Variants in M1AP observed in about 807,000 individuals in gnomAD.
The protein encoded by M1AP is meiosis 1 associated protein, also known as meiosis 1 arrest protein.
M1AP carries 39 observed loss-of-function variants against 51.2 expected under a neutral mutation model. The observed-to-expected ratio is 0.76, with a 90% confidence interval of 0.59 to 1.00. The LOEUF is 1.00. Among genes scored for constraint, M1AP ranks in the 50% least tolerant of loss-of-function variants. The pLI is 0.00. For synonymous variants in M1AP, 251 were observed against 249.2 expected, an observed-to-expected ratio of 1.01 and a Z score of -0.07; for missense variants, 545 against 641.2, an observed-to-expected ratio of 0.85 and a Z score of 1.62.
intron 2 of M1AP, among the ~76,000 whole-genome samples, chr2:74,626,831 A>G (rs1025234309): frequency 1.3e-5 from 2 of 152,174 alleles, no homozygotes; most frequent in Non-Finnish European, 2.9e-5. Context: ...TCCCACATAT[A>G]TTTTTTAAAA....
chr2:74,562,120 C>T (rs909775752), intron 8 of M1AP, 97 bp downstream of exon 8: 31 of 1,504,028 alleles, frequency 2.1e-5, no homozygotes, highest in African/African-American at 8.4e-5. Flanking sequence ...CCTTCAGCTC[C>T]GCATCCATTC....
intron 2 of M1AP, among the ~76,000 whole-genome samples, chr2:74,623,818 T>C (rs986195966): frequency 1.4e-4 from 21 of 152,126 alleles, no homozygotes; most frequent in African/African-American, 4.8e-4. Flanking sequence ...ACTACAGGCA[T>C]GAACCACCAC....
rs780768424 is a variant in M1AP at position 74,640,180 on chromosome 2, CG to C, written c.95del (p.Pro32ArgfsTer20). The part of the protein sequence containing the change: ...PRLLIVHIAL[P>X]SWADICTNLC... ...GGTTGGTGCAGATGTCAGCCCAGGA[CG>C]GTAGAGCAATGTGCACAATGAGAAG... On this transcript the variant is annotated frameshift_variant, in exon 2 of 11. Coordinates refer to ENST00000421985, the MANE Select transcript of M1AP (RefSeq NM_001321739.2). LOFTEE classifies it high-confidence loss of function. 5 of 1,614,094 alleles carry C rather than the reference CG, an allele frequency of 3.1e-6. No homozygotes were observed. Among genetic ancestry groups the C allele is most frequent in the Non-Finnish European group, 4.2e-6 (5 of 1,180,010 alleles).
intron 1 of M1AP, chr2:74,647,530 C>G (rs1358726161): frequency 1.0e-5 from 4 of 387,118 alleles, no homozygotes; most frequent in Non-Finnish European, 1.4e-5. Flanking sequence ...AATCTCATTT[C>G]CCCCTCCTGA....
intron 4 of M1AP, among the ~76,000 whole-genome samples, chr2:74,604,685 A>G (rs1280667579): frequency 3.9e-5 from 6 of 152,136 alleles, no homozygotes; most frequent in Non-Finnish European, 7.3e-5. Flanking sequence ...GCTCTAAGAC[A>G]CAGTTTGAGT....
At chr2:74,600,384 C>T (rs937163789) in intron 4 of M1AP, among the ~76,000 whole-genome samples, 1 of 152,176 alleles carries the variant, frequency 6.6e-6, no homozygotes, top group East Asian at 1.9e-4. Context: ...ATCTTTTCCT[C>T]AAGGCTCAGA....
At chr2:74,626,737 A>G (rs1394365610) in intron 2 of M1AP, among the ~76,000 whole-genome samples, 4 of 152,176 alleles carry the variant, frequency 2.6e-5, no homozygotes, top group Non-Finnish European at 4.4e-5. Context: ...TATTTTTCCC[A>G]TATGGCTATC....
chr2:74,607,560 G>A (rs1397256381), intron 3 of M1AP, among the ~76,000 whole-genome samples: 1 of 152,088 alleles, frequency 6.6e-6, no homozygotes, highest in African/African-American at 2.4e-5. Context: ...TGCAACCTCC[G>A]CCTTCCGGGG....
At chr2:74,603,658 G>C (rs1193474832) in intron 4 of M1AP, among the ~76,000 whole-genome samples, 1 of 152,168 alleles carries the variant, frequency 6.6e-6, no homozygotes, top group East Asian at 1.9e-4. Context: ...GAGATAGAAA[G>C]GACAGTCAGT....
chr2:74,559,097 G>C (rs1326567943), intron 10 of M1AP, among the ~76,000 whole-genome samples: 1 of 152,122 alleles, frequency 6.6e-6, no homozygotes, highest in Non-Finnish European at 1.5e-5. Context: ...CAGCTAACTT[G>C]TGGTAGCCTC....
chr2:74,584,780 G>C lies in M1AP; in HGVS notation c.596-2933C>G, dbSNP rs570511131. ...GGCTTATTGTCCAAGGCAAGATTTG[G>C]CTGTAGCCTTATTGATGTTATTGCC... On this transcript the variant is annotated intron_variant, in intron 4 of 10. Coordinates refer to ENST00000421985, the MANE Select transcript of M1AP (RefSeq NM_001321739.2). Among the ~76,000 whole-genome samples, 5 of 146,852 alleles carry C rather than the reference G, an allele frequency of 3.4e-5. No individual in the cohort carries two copies. In the East Asian group the frequency reaches 7.9e-4, roughly 23 times the overall value.
At chr2:74,575,314 A>G (rs1678991287) in intron 7 of M1AP, 124 bp downstream of exon 7, 1 of 1,497,146 alleles carries the variant, frequency 6.7e-7, no homozygotes, top group Non-Finnish European at 8.9e-7. Context: ...GAGTATTTCC[A>G]GTTTTTTCTG....
At chr2:74,596,977 G>A (rs1197658670) in intron 4 of M1AP, among the ~76,000 whole-genome samples, 1 of 152,184 alleles carries the variant, frequency 6.6e-6, no homozygotes, top group Non-Finnish European at 1.5e-5. Context: ...GTGTAAAGGG[G>A]AAAGAAAAAT....
chr2:74,567,305 C>A (rs1422552959), intron 7 of M1AP, among the ~76,000 whole-genome samples: 1 of 152,164 alleles, frequency 6.6e-6, no homozygotes, highest in Non-Finnish European at 1.5e-5. Context: ...ACAAACCATC[C>A]ACTTTTGCTA....
At chr2:74,633,762 A>G (rs958784259) in intron 2 of M1AP, among the ~76,000 whole-genome samples, 1 of 152,152 alleles carries the variant, frequency 6.6e-6, no homozygotes, top group African/African-American at 2.4e-5. Flanking sequence ...GTCATGAATA[A>G]CTTTTTCTTT....
chr2:74,648,222 G>A (rs1573210220), intron 1 of M1AP, 43 bp downstream of exon 1: 5 of 966,928 alleles, frequency 5.2e-6, no homozygotes, highest in Non-Finnish European at 6.2e-6. Context: ...GGTGCCGGCT[G>A]CTCTCGGGCT....
intron 3 of M1AP, among the ~76,000 whole-genome samples, chr2:74,610,093 C>T (rs181185661): frequency 1.3e-5 from 2 of 151,968 alleles, no homozygotes; most frequent in East Asian, 3.9e-4. Context: ...CCTTGACCTC[C>T]TAGGCTCAAG....
At chr2:74,561,199 AAGGAGG>A (rs770407711) in intron 8 of M1AP, among the ~76,000 whole-genome samples, 7 of 34,914 alleles carry the variant, frequency 2.0e-4, no homozygotes, top group Non-Finnish European at 3.4e-4. Context: ...GGAGGAGGAG[AAGGAGG>A]AGGAGGAGGA....
At chr2:74,646,771 A>C (rs1683640529) in intron 1 of M1AP, among the ~76,000 whole-genome samples, 1 of 152,180 alleles carries the variant, frequency 6.6e-6, no homozygotes, top group Non-Finnish European at 1.5e-5. Context: ...GTTAGTAAGA[A>C]AGTTTTAGTG....
Sources: allele counts gnomAD v4.1 joint callset (sites outside exome capture counted in the v4.1 genomes callset), GRCh38; gene constraint gnomAD v4.1.1; transcripts MANE v1.5; gene names NCBI Gene and HGNC (gene_info 2026-07-23, HGNC 2026-07-21).